The following ECD variants were observed in gnomAD, a reference collection of about 807,000 sequenced individuals.
ECD encodes the protein protein ecdysoneless homolog.
In ECD, 59 loss-of-function variants were observed where a neutral mutation model predicts 77.2. The ratio of observed to expected loss-of-function variants is 0.76; its 90% CI spans 0.62 to 0.95. The LOEUF is 0.95. ECD is among the 40% of genes least tolerant of loss of function. The pLI is 0.00. For missense variants in ECD, 704 were observed against 763.4 expected (o/e 0.92, Z 0.92); for synonymous variants, 233 against 267.4 (o/e 0.87, Z 1.26).
At position 73,134,532 on chromosome 10, in the gene ECD, A is replaced by T; in HGVS notation, c.*51T>A. 6.8e-7 allele frequency: 1 copy of T among 1,466,542 alleles called. No homozygotes were observed. The highest frequency in any genetic ancestry group is 9.4e-7 in the Non-Finnish European group (1 of 1,066,400). 90.8% of individuals were successfully genotyped at this position (1,466,542 alleles called of 1,614,324 possible). A position where few individuals can be genotyped will look rare whatever the true frequency, so the allele number is the denominator to read the frequency against. On this transcript the variant is annotated 3_prime_UTR_variant, in exon 14 of 14. Coordinates refer to ENST00000372979, the MANE Select transcript of ECD (RefSeq NM_007265.3). ...GTAATCTAAACTAGAAATGAACAGAATCATATTCAATATTTATTTAAAAAG... is the reference window on the plus strand; with the variant it reads ...GTAATCTAAACTAGAAATGAACAGATTCATATTCAATATTTATTTAAAAAG...
chr10:73,137,987 T>A lies in ECD; in HGVS notation c.1489+16A>T. The A allele has an allele frequency of 3.8e-6, 6 of 1,564,034 alleles. No homozygotes were observed. Among genetic ancestry groups the A allele is most frequent in the Non-Finnish European group, 5.2e-6 (6 of 1,158,248 alleles). ...AACAGTTTCAAAATGAAAGTCAACA[T>A]CACACCACTACTTACCTAAAATCTT... On this transcript the variant is annotated intron_variant, in intron 12 of 13. Coordinates refer to ENST00000372979, the MANE Select transcript of ECD (RefSeq NM_007265.3).
chr10:73,144,566 G>A (rs1001696818), intron 9 of ECD, among the ~76,000 whole-genome samples: 5 of 152,122 alleles, frequency 3.3e-5, no homozygotes, highest in African/African-American at 1.2e-4. Flanking sequence ...GGGAAAAGAG[G>A]GGATAGTTAA....
At chr10:73,134,924 A>G (rs906172812) in intron 13 of ECD, 111 bp from the exon 14 acceptor site, 1 of 910,896 alleles carries the variant, frequency 1.1e-6, no homozygotes, top group Non-Finnish European at 1.7e-6. Flanking sequence ...CCAAATTAAA[A>G]AGGAAACTTC....
intron 13 of ECD, 82 bp downstream of exon 13, chr10:73,136,622 A>T: frequency 7.5e-7 from 1 of 1,328,490 alleles, no homozygotes; most frequent in Non-Finnish European, 1.0e-6. Context: ...CACACCAAAA[A>T]AAGAAAAACT....
Position 73,138,038 on chromosome 10 carries a change from G to C in ECD, c.1454C>G (p.Ala485Gly), listed in dbSNP as rs368272944. The stretch of plus-strand genomic sequence containing the variant: ...ATCAAAATAATTAAGAAAAGAATCT[G>C]CATCAAAAGTGATTGGAGCCTCAGA... ...EPSEAPITFD[A>G]DSFLNYFDKI... The change falls in exon 12 of 14, where the codon GCA becomes GGA. Residue 485 changes from alanine to glycine, a missense_variant. By Grantham distance (60) the Ala-to-Gly change is moderately conservative. This residue lies in a region of ECD where 559 missense variants were observed against 583.7 expected (regional missense o/e 0.96). Coordinates refer to ENST00000372979, the MANE Select transcript of ECD (RefSeq NM_007265.3). 6.3e-7 allele frequency: 1 copy of C among 1,596,886 alleles called. No homozygotes were observed. The highest frequency in any genetic ancestry group is 8.5e-7 in the Non-Finnish European group (1 of 1,174,384).
chr10:73,156,066 G>T (rs1843291493), intron 5 of ECD, among the ~76,000 whole-genome samples: 1 of 152,118 alleles, frequency 6.6e-6, no homozygotes, highest in South Asian at 2.1e-4. Context: ...TTTAAAATCT[G>T]TAAGTTTAAT....
At chr10:73,142,795 T>C (rs1286870864) in intron 9 of ECD, among the ~76,000 whole-genome samples, 1 of 152,202 alleles carries the variant, frequency 6.6e-6, no homozygotes. Flanking sequence ...TTTCTGTTTC[T>C]ATTTCTTGTA....
At position 73,134,602 on chromosome 10, in the gene ECD, C is replaced by T. The variant is rs1411546026; in HGVS notation, c.1916G>A (p.Ser639Asn). 4 of 1,613,560 alleles carry T rather than the reference C, an allele frequency of 2.5e-6. No homozygotes were observed. Among genetic ancestry groups the T allele is most frequent in the South Asian group, 1.1e-5 (1 of 91,034 alleles). ...TGCTGGTTAATTTTTTGTTGGCTTA[C>T]TTGTTGGTCTGTGATCGGTGTTGTC... ...LPDNTDHRPT[S>N]KPTKN The change falls in exon 14 of 14, where the codon AGT becomes AAT. Residue 639 changes from serine to asparagine, a missense_variant. Around this residue, in one of 3 missense-constraint regions of ECD, gnomAD observed 142 missense variants for 163.6 expected, o/e 0.87. Transcript: ENST00000372979.
At chr10:73,160,628 G>A in intron 2 of ECD, 77 bp from the exon 3 acceptor site, 1 of 1,044,160 alleles carries the variant, frequency 9.6e-7, no homozygotes, top group Non-Finnish European at 1.4e-6. Flanking sequence ...TCATTCAACT[G>A]AATACACATT....
chr10:73,149,505 A>G (rs1186134684), intron 7 of ECD, among the ~76,000 whole-genome samples: 1 of 152,228 alleles, frequency 6.6e-6, no homozygotes, highest in Non-Finnish European at 1.5e-5. Context: ...CAATCAACCA[A>G]TACTGTACTC....
At chr10:73,135,010 A>T (rs371866230) in intron 13 of ECD, among the ~76,000 whole-genome samples, 197 bp from the exon 14 acceptor site, 1 of 152,198 alleles carries the variant, frequency 6.6e-6, no homozygotes, top group East Asian at 1.9e-4. Context: ...ACTTGGTTCT[A>T]AAGGTTATAA....
chr10:73,136,600 T>C, intron 13 of ECD, 104 bp downstream of exon 13: 2 of 1,045,208 alleles, frequency 1.9e-6, no homozygotes, highest in Non-Finnish European at 2.8e-6. Context: ...TTCTTATTTA[T>C]TTCAAATCTC....
chr10:73,165,348 C>A (rs1564669148), intron 1 of ECD, among the ~76,000 whole-genome samples: 1 of 151,104 alleles, frequency 6.6e-6, no homozygotes, highest in Non-Finnish European at 1.5e-5. Flanking sequence ...TTTTTCTTTT[C>A]TTTTTCTTTT....
chr10:73,157,420 T>C (rs146382837), intron 3 of ECD, among the ~76,000 whole-genome samples: 55 of 151,906 alleles, frequency 3.6e-4, no homozygotes, highest in African/African-American at 1.3e-3. Context: ...TTTAAAAAAA[T>C]GTATTAAAAG....
At chr10:73,153,662 G>A (rs1843247720) in intron 6 of ECD, among the ~76,000 whole-genome samples, 1 of 145,246 alleles carries the variant, frequency 6.9e-6, no homozygotes, top group African/African-American at 2.6e-5. Context: ...GGAAGCAGAG[G>A]TTGCAGTGAG....
At chr10:73,156,004 C>G (rs997883768) in intron 5 of ECD, among the ~76,000 whole-genome samples, 11 of 152,068 alleles carry the variant, frequency 7.2e-5, no homozygotes, top group Non-Finnish European at 1.2e-4. Context: ...AATATTGGGA[C>G]AAGATTGTAA....
chr10:73,144,806 A>T (rs912864848), intron 9 of ECD, among the ~76,000 whole-genome samples: 2 of 152,142 alleles, frequency 1.3e-5, no homozygotes, highest in African/African-American at 2.4e-5. Flanking sequence ...AATATTTTTT[A>T]AAAAATTAAA....
At chr10:73,145,457 G>A (rs1843111990) in intron 9 of ECD, among the ~76,000 whole-genome samples, 1 of 152,020 alleles carries the variant, frequency 6.6e-6, no homozygotes, top group African/African-American at 2.4e-5. Context: ...CAAACTTTGG[G>A]AATTCAACAA....
chr10:73,149,747 T>C (rs1353321062), intron 7 of ECD, among the ~76,000 whole-genome samples: 11 of 152,154 alleles, frequency 7.2e-5, no homozygotes, highest in African/African-American at 2.7e-4. Context: ...CCACTGTAAG[T>C]CAAGGAACAT....
Sources: gnomAD v4.1 joint callset for allele counts (sites outside exome capture counted in the v4.1 genomes callset) on GRCh38, gnomAD v4.1.1 for gene constraint, gnomAD v4.1.1 regional missense constraint, MANE v1.5 for transcripts, NCBI Gene and HGNC (gene_info 2026-07-23, HGNC 2026-07-21) for gene names.